Variants in SUPT20HL2 observed in about 807,000 individuals in gnomAD.
SUPT20HL2 encodes transcription factor SPT20 homolog-like 2.
For missense variants in SUPT20HL2, 288 were observed against 127.4 expected, an observed-to-expected ratio of 2.26 and a Z score of -6.07; for synonymous variants, 125 against 51.6, an observed-to-expected ratio of 2.42 and a Z score of -6.10.
In SUPT20HL2 at chrX:24,308,429, G is replaced by A. The variant is rs1417609171; in HGVS notation, c.*2433C>T. 6 of 302,810 alleles carry A rather than the reference G, an allele frequency of 2.0e-5. No homozygotes were observed. The highest frequency in any genetic ancestry group is 1.4e-4 in the Admixed American group (4 of 29,567). The allele number at this position is 302,810 out of a possible 1,213,427, so 25.0% of individuals were successfully genotyped here. Reference sequence around the variant, plus strand: ...CTACAACTGGTCATTGCACTCGTTCGCCTCTTAAAAGTGCAGGCACCATTC... The same window carrying A: ...CTACAACTGGTCATTGCACTCGTTCACCTCTTAAAAGTGCAGGCACCATTC... On this transcript the variant is annotated 3_prime_UTR_variant, in exon 1 of 1. Transcript: ENST00000486479.
rs748258401 is a variant in SUPT20HL2 at position 24,311,796 on chromosome X, G to A, written c.1520C>T (p.Pro507Leu). 3.0e-6 allele frequency: 1 copy of A among 337,073 alleles called. No homozygotes were observed. The highest frequency in any genetic ancestry group is 2.5e-5 in the South Asian group (1 of 39,479). The allele number at this position is 337,073 out of a possible 1,213,427, so 27.8% of individuals were successfully genotyped here. ...APAVAAAAPA[P>L]APAPAAAPAL... ...AGGAGCAGCAGCAGGAGCAGGAGCA[G>A]GAGCAGGAGCAGCAGCAGCTACAGC... Residue 507 changes from proline (P) to leucine (L), a missense_variant, in exon 1 of 1, where the codon CCT (proline) becomes CTT (leucine). Transcript: ENST00000486479.
Position 24,313,949 on chromosome X carries a change from C to G in SUPT20HL2, c.-634G>C, listed in dbSNP as rs1215871134. On this transcript the variant is annotated 5_prime_UTR_variant, in exon 1 of 1. Coordinates refer to ENST00000486479, the MANE Select transcript of SUPT20HL2 (RefSeq NM_001136233.3). ...GCTTCTAGGCGCGTCTGGGCACCTG[C>G]CCAGAAACCTGCCCCCAGGGAAGCG... The G allele has an allele frequency of 2.8e-6, 1 of 363,554 alleles. No individual in the cohort carries two copies. The highest frequency in any genetic ancestry group is 5.3e-6 in the Non-Finnish European group (1 of 188,434). The allele number at this position is 363,554 out of a possible 1,213,427, so 30.0% of individuals were successfully genotyped here. A position where few individuals can be genotyped will look rare whatever the true frequency, so the allele number is the denominator to read the frequency against.
chrX:24,310,774 A>AG lies in SUPT20HL2; in HGVS notation c.*87dup, dbSNP rs1318800127. 2 of 270,125 alleles carry AG rather than the reference A, an allele frequency of 7.4e-6. No individual in the cohort carries two copies. Among genetic ancestry groups the AG allele is most frequent in the African/African-American group, 2.8e-5 (1 of 35,127 alleles). The allele number at this position is 270,125 out of a possible 1,213,427, so 22.3% of individuals were successfully genotyped here. A position where few individuals can be genotyped will look rare whatever the true frequency, so the allele number is the denominator to read the frequency against. ...TTAAAATGTAAAATACCAAAACATGAGAAAAAAAACAAAACTCAAGTAAAA... is the reference window on the plus strand; with the variant it reads ...TTAAAATGTAAAATACCAAAACATGAGGAAAAAAAACAAAACTCAAGTAAAA... On this transcript the variant is annotated 3_prime_UTR_variant, in exon 1 of 1. Transcript: ENST00000486479.
chrX:24,314,054 G>C lies in SUPT20HL2; in HGVS notation c.-739C>G, dbSNP rs772031103. 5.4e-6 allele frequency: 2 copies of C among 367,565 alleles called. No individual in the cohort carries two copies. The highest frequency in any genetic ancestry group is 4.8e-5 in the South Asian group (2 of 41,398). 30.3% of individuals were successfully genotyped at this position (367,565 alleles called of 1,213,427 possible). A position where few individuals can be genotyped will look rare whatever the true frequency, so the allele number is the denominator to read the frequency against. On this transcript the variant is annotated 5_prime_UTR_variant, in exon 1 of 1. Transcript: ENST00000486479. The stretch of plus-strand genomic sequence containing the variant: ...CGTGGCCTGGGCTTCGCGTCTCTGA[G>C]TGCTGCACCGGAAATGAACGGGAGG...
At position 24,309,747 on chromosome X, in the gene SUPT20HL2, A is replaced by AAAAAAAAAAAAAAAAAAAAAAAAAG. The variant is rs1939103179; in HGVS notation, c.*1114_*1115insCTTTTTTTTTTTTTTTTTTTTTTTT. Among the ~76,000 whole-genome samples the AAAAAAAAAAAAAAAAAAAAAAAAAG allele has an allele frequency of 1.9e-3, 5 of 2,699 alleles. No homozygotes were observed. The highest frequency in any genetic ancestry group is 3.0e-3 in the Non-Finnish European group (4 of 1,344). The allele number at this position is 2,699 out of a possible 115,157, so 2.3% of individuals were successfully genotyped here. A position where few individuals can be genotyped will look rare whatever the true frequency, so the allele number is the denominator to read the frequency against. ...AAATAATAAAAATAAAAAAAAAAAG[A>AAAAAAAAAAAAAAAAAAAAAAAAAG]AAAAAAAAAAAAAAAAAAAAAACAT... On this transcript the variant is annotated 3_prime_UTR_variant, in exon 1 of 1. Coordinates refer to ENST00000486479, the MANE Select transcript of SUPT20HL2 (RefSeq NM_001136233.3).
Position 24,309,716 on chromosome X carries a change from A to G in SUPT20HL2, c.*1146T>C, listed in dbSNP as rs1939096792. ...TTAAAAAAAAAAATTAAAAAAAAAA[A>G]GAAAAAAATAATAAAAATAAAAAAA... On this transcript the variant is annotated 3_prime_UTR_variant, in exon 1 of 1. Coordinates refer to ENST00000486479, the MANE Select transcript of SUPT20HL2 (RefSeq NM_001136233.3). Among the ~76,000 whole-genome samples the G allele has an allele frequency of 1.3e-5, 1 of 75,028 alleles. No homozygotes were observed. Among genetic ancestry groups the G allele is most frequent in the African/African-American group, 6.6e-5 (1 of 15,107 alleles). The allele number at this position is 75,028 out of a possible 115,157, so 65.2% of individuals were successfully genotyped here. A position where few individuals can be genotyped will look rare whatever the true frequency, so the allele number is the denominator to read the frequency against.
rs760368337 is a variant in SUPT20HL2 at position 24,313,695 on chromosome X, C to T, written c.-380G>A. On this transcript the variant is annotated 5_prime_UTR_variant, in exon 1 of 1. Coordinates refer to ENST00000486479, the MANE Select transcript of SUPT20HL2 (RefSeq NM_001136233.3). ...AAAACATCGGTACCTGAGGGGTCGT[C>T]GTCGTGGCCCGGGCTTCACGTCTCT... Among the ~76,000 whole-genome samples the T allele has an allele frequency of 1.1e-4, 10 of 93,304 alleles. No homozygotes were observed. The highest frequency in any genetic ancestry group is 2.3e-4 in the Admixed American group (2 of 8,558). The allele number at this position is 93,304 out of a possible 115,157, so 81.0% of individuals were successfully genotyped here.
rs770885064 is a variant in SUPT20HL2, at chrX:24,312,441, G to A, written c.875C>T (p.Thr292Met). The A allele has an allele frequency of 7.8e-5, 30 of 384,641 alleles. No homozygotes were observed. Among genetic ancestry groups the A allele is most frequent in the South Asian group, 5.6e-4 (24 of 42,648 alleles). The allele number at this position is 384,641 out of a possible 1,213,427, so 31.7% of individuals were successfully genotyped here. ...NITKAGSCVD[T>M]WKGRPCDLAV... Reference sequence around the variant, plus strand: ...CAAATCACAGGGTCTGCCTTTCCACGTGTCTACACAACTTCCCGCTTTAGT... The same window carrying A: ...CAAATCACAGGGTCTGCCTTTCCACATGTCTACACAACTTCCCGCTTTAGT... The change falls in exon 1 of 1, where the codon ACG (threonine) becomes ATG (methionine). Residue 292 changes from threonine to methionine, a missense_variant. Physicochemically the swap from Thr to Met is moderately conservative, Grantham distance 81 (BLOSUM62 -1). Transcript: ENST00000486479.
rs1569195686 is a variant in SUPT20HL2, at chrX:24,309,725, T to TAAAAAAAAAAAAAA, written c.*1136_*1137insTTTTTTTTTTTTTT. ...AAAATTAAAAAAAAAAAGAAAAAAA[T>TAAAAAAAAAAAAAA]AATAAAAATAAAAAAAAAAAGAAAA... is the stretch of plus-strand genomic sequence containing the variant. On this transcript the variant is annotated 3_prime_UTR_variant, in exon 1 of 1. Coordinates refer to ENST00000486479, the MANE Select transcript of SUPT20HL2 (RefSeq NM_001136233.3). Among the ~76,000 whole-genome samples the TAAAAAAAAAAAAAA allele has an allele frequency of 5.9e-5, 1 of 16,885 alleles. No homozygotes were observed. The highest frequency in any genetic ancestry group is 9.2e-5 in the Non-Finnish European group (1 of 10,869). 14.7% of individuals were successfully genotyped at this position (16,885 alleles called of 115,157 possible).
At position 24,311,191 on chromosome X, in the gene SUPT20HL2, G is replaced by T; in HGVS notation, c.2125C>A (p.Leu709Ile). 1 of 384,771 alleles carries T rather than the reference G, an allele frequency of 2.6e-6. No homozygotes were observed. Among genetic ancestry groups the T allele is most frequent in the South Asian group, 2.4e-5 (1 of 42,345 alleles). 31.7% of individuals were successfully genotyped at this position (384,771 alleles called of 1,213,427 possible). A position where few individuals can be genotyped will look rare whatever the true frequency, so the allele number is the denominator to read the frequency against. ...CCTGCTCCAGTGAGGTTCACATTAA[G>T]AAGTTGCTGAGCAGGGAAGGCCTGC... is the stretch of plus-strand genomic sequence containing the variant. ...QGQAFPAQQL[L>I]NVNLTGAGSG... The change falls in exon 1 of 1, where the codon CTT (leucine) becomes ATT (isoleucine). Residue 709 changes from leucine to isoleucine, a missense_variant. Transcript: ENST00000486479.
At position 24,310,620 on chromosome X, in the gene SUPT20HL2, T is replaced by G. The variant is rs2148136605; in HGVS notation, c.*242A>C. On this transcript the variant is annotated 3_prime_UTR_variant, in exon 1 of 1. Coordinates refer to ENST00000486479, the MANE Select transcript of SUPT20HL2 (RefSeq NM_001136233.3). ...ATTTGGACACTTTAAAATACTATAT[T>G]AAAAACAATTATATCAACAGCAATG... 8.9e-6 allele frequency among the ~76,000 whole-genome samples: 1 copy of G among 112,241 alleles called. No homozygotes were observed. The highest frequency in any genetic ancestry group is 2.8e-4 in the East Asian group (1 of 3,607).
Position 24,311,310 on chromosome X carries a change from T to A in SUPT20HL2, c.2006A>T (p.Gln669Leu), listed in dbSNP as rs1327647266. 2.6e-6 allele frequency: 1 copy of A among 386,360 alleles called. No individual in the cohort carries two copies. The highest frequency in any genetic ancestry group is 5.2e-6 in the Non-Finnish European group (1 of 192,495). 31.8% of individuals were successfully genotyped at this position (386,360 alleles called of 1,213,427 possible). Reference sequence around the variant, plus strand: ...CTGGAGCTGCTGCAGGGAAACCAGCTGATGGGACTGCTGCTGCGGGCCGGT... The same window carrying A: ...CTGGAGCTGCTGCAGGGAAACCAGCAGATGGGACTGCTGCTGCGGGCCGGT... ...VLTGPQQQSH[Q>L]LVSLQQLQQP... Residue 669 changes from glutamine (Q) to leucine (L), a missense_variant, in exon 1 of 1, where the codon CAG (glutamine) becomes CTG (leucine). By Grantham distance (113) the Gln-to-Leu change is moderately radical. Transcript: ENST00000486479.
In SUPT20HL2 at chrX:24,313,513, G is replaced by C. The variant is rs1018258719; in HGVS notation, c.-198C>G. On this transcript the variant is annotated 5_prime_UTR_variant, in exon 1 of 1. Coordinates refer to ENST00000486479, the MANE Select transcript of SUPT20HL2 (RefSeq NM_001136233.3). ...CTGTTTGAGGGTTTCTGAAAACATG[G>C]GTACCTGAGGGGTCGTCGTCGTGGC... Among the ~76,000 whole-genome samples the C allele has an allele frequency of 1.1e-4, 12 of 110,601 alleles. No individual in the cohort carries two copies. Among genetic ancestry groups the C allele is most frequent in the African/African-American group, 4.0e-4 (12 of 30,301 alleles).
At position 24,309,924 on chromosome X, in the gene SUPT20HL2, C is replaced by T. The variant is rs28387988; in HGVS notation, c.*938G>A. Among the ~76,000 whole-genome samples, 3,016 of 108,934 alleles carry T rather than the reference C, an allele frequency of 0.028. 111 individuals are homozygous for T. Among genetic ancestry groups the T allele is most frequent in the African/African-American group, 0.096 (2,882 of 29,917 alleles). 94.6% of individuals were successfully genotyped at this position (108,934 alleles called of 115,157 possible). A position where few individuals can be genotyped will look rare whatever the true frequency, so the allele number is the denominator to read the frequency against. ...TTTAGAGGTCTCCCATGTATTCAAT[C>T]GCAGTGTGACAAGCATCACTGTACT... On this transcript the variant is annotated 3_prime_UTR_variant, in exon 1 of 1. Coordinates refer to ENST00000486479, the MANE Select transcript of SUPT20HL2 (RefSeq NM_001136233.3).
chrX:24,313,798 C>T lies in SUPT20HL2; in HGVS notation c.-483G>A. 3.1e-6 allele frequency: 1 copy of T among 324,274 alleles called. No homozygotes were observed. Among genetic ancestry groups the T allele is most frequent in the Non-Finnish European group, 5.8e-6 (1 of 172,269 alleles). 26.7% of individuals were successfully genotyped at this position (324,274 alleles called of 1,213,427 possible). A position where few individuals can be genotyped will look rare whatever the true frequency, so the allele number is the denominator to read the frequency against. Reference sequence around the variant, plus strand: ...CTGGGCACCTGCCCAGAAACCTGCCCCCAGGGAAGCGCTACCCAATCTGTT... The same window carrying T: ...CTGGGCACCTGCCCAGAAACCTGCCTCCAGGGAAGCGCTACCCAATCTGTT... On this transcript the variant is annotated 5_prime_UTR_variant, in exon 1 of 1. Coordinates refer to ENST00000486479, the MANE Select transcript of SUPT20HL2 (RefSeq NM_001136233.3).
At position 24,308,470 on chromosome X, in the gene SUPT20HL2, C is replaced by A. The variant is rs1418816289; in HGVS notation, c.*2392G>T. On this transcript the variant is annotated 3_prime_UTR_variant, in exon 1 of 1. Transcript: ENST00000486479. ...GGCACCATTCCCAATTATGTCCAGG[C>A]TGCTCTGATGGACTTGGTGTCACTT... 8.9e-6 allele frequency among the ~76,000 whole-genome samples: 1 copy of A among 111,914 alleles called. No individual in the cohort carries two copies. Among genetic ancestry groups the A allele is most frequent in the African/African-American group, 3.3e-5 (1 of 30,459 alleles).
In SUPT20HL2 at chrX:24,309,677, T is replaced by TA. The variant is rs1262391597; in HGVS notation, c.*1184dup. On this transcript the variant is annotated 3_prime_UTR_variant, in exon 1 of 1. Coordinates refer to ENST00000486479, the MANE Select transcript of SUPT20HL2 (RefSeq NM_001136233.3). Reference sequence around the variant, plus strand: ...ATGTACCCTAAAACTTAGAGTATAATAAAAAAAAAAAAATTAAAAAAAAAA... The same window carrying TA: ...ATGTACCCTAAAACTTAGAGTATAATAAAAAAAAAAAAAATTAAAAAAAAAA... 4.6e-3 allele frequency among the ~76,000 whole-genome samples: 82 copies of TA among 17,925 alleles called. No homozygotes were observed. Among genetic ancestry groups the TA allele is most frequent in the African/African-American group, 0.011 (61 of 5,332 alleles). 15.6% of individuals were successfully genotyped at this position (17,925 alleles called of 115,157 possible). A position where few individuals can be genotyped will look rare whatever the true frequency, so the allele number is the denominator to read the frequency against.
In SUPT20HL2 at chrX:24,309,511, C is replaced by A. The variant is rs1939092746; in HGVS notation, c.*1351G>T. On this transcript the variant is annotated 3_prime_UTR_variant, in exon 1 of 1. Coordinates refer to ENST00000486479, the MANE Select transcript of SUPT20HL2 (RefSeq NM_001136233.3). Reference sequence around the variant, plus strand: ...TTATAAAGAGAGCACACAAAACATCCAAAAAGGGACTGTGGTGGGGTCGGG... The same window carrying A: ...TTATAAAGAGAGCACACAAAACATCAAAAAAGGGACTGTGGTGGGGTCGGG... Among the ~76,000 whole-genome samples the A allele has an allele frequency of 1.5e-5, 1 of 68,466 alleles. No homozygotes were observed. Among genetic ancestry groups the A allele is most frequent in the African/African-American group, 6.1e-5 (1 of 16,296 alleles). 59.5% of individuals were successfully genotyped at this position (68,466 alleles called of 115,157 possible).
rs1395077516 is a variant in SUPT20HL2 at position 24,308,923 on chromosome X, CA to C, written c.*1938del. On this transcript the variant is annotated 3_prime_UTR_variant, in exon 1 of 1. Coordinates refer to ENST00000486479, the MANE Select transcript of SUPT20HL2 (RefSeq NM_001136233.3). The stretch of plus-strand genomic sequence containing the variant: ...TACATTTTACGACATGGAAGAACTT[CA>C]AAAACATTATGCCGAGTGAAAGAGG... Among the ~76,000 whole-genome samples the C allele has an allele frequency of 8.9e-6, 1 of 112,414 alleles. No individual in the cohort carries two copies. Among genetic ancestry groups the C allele is most frequent in the African/African-American group, 3.2e-5 (1 of 30,990 alleles).
Sources: gnomAD v4.1 joint callset for allele counts (sites outside exome capture counted in the v4.1 genomes callset) on GRCh38, gnomAD v4.1.1 for gene constraint, MANE v1.5 for transcripts, NCBI Gene and HGNC (gene_info 2026-07-23, HGNC 2026-07-21) for gene names.